Variants in DCC observed in about 807,000 individuals in gnomAD.
The protein encoded by DCC is DCC netrin 1 receptor.
Under a neutral mutation model 172.5 loss-of-function variants are expected in DCC, and 58 were observed. The observed-to-expected ratio is 0.34, with a 90% CI of 0.27 to 0.42. The LOEUF is 0.42. Among genes scored for constraint, DCC ranks in the 10% least tolerant of loss-of-function variants. The probability of loss-of-function intolerance (pLI) is 1.00; values close to 1 mark genes in which losing one functional copy is unlikely to be tolerated. For missense variants in DCC, 1,740 were observed against 1,791.0 expected (o/e 0.97, Z 0.51); for synonymous variants, 709 against 644.5 (o/e 1.10, Z -1.52).
intron 1 of DCC, among the ~76,000 whole-genome samples, chr18:52,371,342 T>C (rs1985114096): frequency 6.6e-6 from 1 of 152,206 alleles, no homozygotes; most frequent in Admixed American, 6.5e-5. Flanking sequence ...TGCTTTTAGA[T>C]CAAAGTTATC....
chr18:52,962,864 C>G (rs1210733207), intron 5 of DCC, among the ~76,000 whole-genome samples: 1 of 148,304 alleles, frequency 6.7e-6, no homozygotes, highest in Admixed American at 6.9e-5. Flanking sequence ...GACAAAAAAC[C>G]AAACACTGCA....
Position 52,487,810 on chromosome 18 carries a change from C to CAAAAAAAAAAAAA in DCC, c.91+146946_91+146958dup, listed in dbSNP as rs5824940. On this transcript the variant is annotated intron_variant, in intron 1 of 28. Coordinates refer to ENST00000442544, the MANE Select transcript of DCC (RefSeq NM_005215.4). ...TGGGTGACAGAGTGAGACTCCACCT[C>CAAAAAAAAAAAAA]AAAAAAAAAAAAAAAAAAAAAAAAA... Among the ~76,000 whole-genome samples, 11 of 74,400 alleles carry CAAAAAAAAAAAAA rather than the reference C, an allele frequency of 1.5e-4. No homozygotes were observed. In the East Asian group the frequency reaches 4.1e-3, roughly 27 times the overall value. 48.8% of individuals were successfully genotyped at this position (74,400 alleles called of 152,430 possible).
chr18:52,873,591 T>G (rs1451095306), intron 2 of DCC, among the ~76,000 whole-genome samples: 1 of 152,204 alleles, frequency 6.6e-6, no homozygotes, highest in East Asian at 1.9e-4. Flanking sequence ...AAAATTAATA[T>G]ATATAGTATT....
intron 1 of DCC, among the ~76,000 whole-genome samples, chr18:52,523,386 A>G (rs1398742497): frequency 6.6e-6 from 1 of 152,210 alleles, no homozygotes; most frequent in Admixed American, 6.5e-5. Flanking sequence ...ATGACCTCTC[A>G]GTCCCTTTCT....
chr18:52,538,686 C>T (rs986188293), intron 1 of DCC, among the ~76,000 whole-genome samples: 2 of 152,190 alleles, frequency 1.3e-5, no homozygotes, highest in South Asian at 2.1e-4. Flanking sequence ...TATCCTAACA[C>T]CTCTTCAGAG....
intron 25 of DCC, among the ~76,000 whole-genome samples, chr18:53,485,263 T>G (rs1238783062): frequency 6.6e-6 from 1 of 152,046 alleles, no homozygotes; most frequent in Non-Finnish European, 1.5e-5. Context: ...GTCATAAACC[T>G]CTAATATACA....
intron 1 of DCC, among the ~76,000 whole-genome samples, chr18:52,616,189 C>T (rs2034378827): frequency 6.6e-6 from 1 of 152,190 alleles, no homozygotes; most frequent in South Asian, 2.1e-4. Flanking sequence ...TTTCAGAATT[C>T]GAACTAGGAT....
intron 1 of DCC, chr18:52,419,206 T>A (rs935482934): frequency 2.6e-5 from 4 of 152,186 alleles, no homozygotes; most frequent in Non-Finnish European, 4.4e-5. Flanking sequence ...GTCACATGCA[T>A]AGAGACAATG....
intron 1 of DCC, among the ~76,000 whole-genome samples, chr18:52,438,644 A>G (rs1987873347): frequency 6.6e-6 from 1 of 152,228 alleles, no homozygotes; most frequent in African/African-American, 2.4e-5. Flanking sequence ...ATATAGCTTG[A>G]GACATAAATT....
chr18:53,010,205 G>T (rs1269022508), intron 5 of DCC, among the ~76,000 whole-genome samples: 1 of 151,830 alleles, frequency 6.6e-6, no homozygotes, highest in Non-Finnish European at 1.5e-5. Context: ...TTGATCTGTT[G>T]TCATGATTGA....
At chr18:53,192,573 ACTAT>A (rs1350711824) in intron 9 of DCC, among the ~76,000 whole-genome samples, 5 of 152,204 alleles carry the variant, frequency 3.3e-5, no homozygotes, top group Non-Finnish European at 5.9e-5. Flanking sequence ...AAAGCAGCTG[ACTAT>A]CAATCAATAG....
At chr18:52,526,043 A>C (rs2031971110) in intron 1 of DCC, among the ~76,000 whole-genome samples, 1 of 152,278 alleles carries the variant, frequency 6.6e-6, no homozygotes, top group South Asian at 2.1e-4. Flanking sequence ...ACTTAAATTT[A>C]GAATTCAAGA....
At chr18:52,461,338 C>A (rs912865600) in intron 1 of DCC, among the ~76,000 whole-genome samples, 3 of 152,106 alleles carry the variant, frequency 2.0e-5, no homozygotes, top group Non-Finnish European at 4.4e-5. Flanking sequence ...TTTGGGAATA[C>A]CCCCCGAAGG....
At chr18:52,363,677 C>A (rs1984719713) in intron 1 of DCC, among the ~76,000 whole-genome samples, 1 of 152,298 alleles carries the variant, frequency 6.6e-6, no homozygotes, top group Middle Eastern at 3.4e-3. Flanking sequence ...ATATTTAAGC[C>A]ATTTTCAGTG....
intron 20 of DCC, among the ~76,000 whole-genome samples, chr18:53,413,371 T>C (rs1376012089): frequency 6.6e-6 from 1 of 152,156 alleles, no homozygotes; most frequent in African/African-American, 2.4e-5. Flanking sequence ...ATGACAAAAA[T>C]ACATGATTTT....
rs71368924 is a variant in DCC at position 53,454,859 on chromosome 18, C to T, written c.3392+4197C>T. Among the ~76,000 whole-genome samples the T allele has an allele frequency of 5.1e-3, 784 of 152,280 alleles. 14 individuals are homozygous for T. The highest frequency in any genetic ancestry group is 0.03 in the Admixed American group (462 of 15,284). ...ATATTCACCTCATAAGAGATTTGAA[C>T]TATCAGCTACCTTAAGACTTCATTA... On this transcript the variant is annotated intron_variant, in intron 23 of 28. Coordinates refer to ENST00000442544, the MANE Select transcript of DCC (RefSeq NM_005215.4).
At position 53,534,454 on chromosome 18, in the gene DCC, A is replaced by G. The variant is rs2046553294; in HGVS notation, c.*3801A>G. 1 of 152,132 alleles carries G rather than the reference A, an allele frequency of 6.6e-6. No individual in the cohort carries two copies. The highest frequency in any genetic ancestry group is 2.4e-5 in the African/African-American group (1 of 41,422). 9.4% of individuals were successfully genotyped at this position (152,132 alleles called of 1,614,324 possible). A position where few individuals can be genotyped will look rare whatever the true frequency, so the allele number is the denominator to read the frequency against. Reference sequence around the variant, plus strand: ...AACCATATACTATACAGAGCCCACAACTTTCTGGAGATGCAGAAGCAGCCA... The same window carrying G: ...AACCATATACTATACAGAGCCCACAGCTTTCTGGAGATGCAGAAGCAGCCA... On this transcript the variant is annotated 3_prime_UTR_variant, in exon 29 of 29. Transcript: ENST00000442544.
chr18:53,357,305 T>C (rs1599060514), intron 15 of DCC, among the ~76,000 whole-genome samples: 2 of 152,172 alleles, frequency 1.3e-5, no homozygotes, highest in East Asian at 1.9e-4. Context: ...ATAGGTCTTT[T>C]ATCCTGTGGA....
intron 2 of DCC, among the ~76,000 whole-genome samples, chr18:52,895,254 C>A (rs1260284865): frequency 1.3e-5 from 2 of 152,224 alleles, no homozygotes; most frequent in African/African-American, 4.8e-5. Context: ...GCATTGCAAC[C>A]ATTCATTAGC....
Sources: allele counts gnomAD v4.1 joint callset (sites outside exome capture counted in the v4.1 genomes callset), GRCh38; gene constraint gnomAD v4.1.1; transcripts MANE v1.5; gene names NCBI Gene and HGNC (gene_info 2026-07-23, HGNC 2026-07-21).